Variants in PACS2 observed in about 807,000 individuals in gnomAD.
PACS2 encodes the protein phosphofurin acidic cluster sorting protein 2.
Under a neutral mutation model 113.0 loss-of-function variants are expected in PACS2, and 36 were observed. The ratio of observed to expected loss-of-function variants is 0.32; its 90% CI spans 0.24 to 0.42. PACS2 has a LOEUF of 0.42. Among genes scored for constraint, PACS2 ranks in the 10% least tolerant of loss-of-function variants. PACS2 has a pLI of 1.00. For synonymous variants in PACS2, 589 were observed against 536.1 expected (o/e 1.10, Z -1.36); for missense variants, 1,015 against 1,239.5 (o/e 0.82, Z 2.72).
chr14:105,362,438 A>G (rs188707737), intron 4 of PACS2, among the ~76,000 whole-genome samples: 279 of 150,942 alleles, frequency 1.8e-3, no homozygotes, highest in Non-Finnish European at 2.9e-3. Flanking sequence ...AAAGAAAAGA[A>G]AAAAAAAGAA....
Position 105,309,074 on chromosome 14 carries a change from G to A in PACS2, c.-83+8095G>A, listed in dbSNP as rs1285800997. Among the ~76,000 whole-genome samples, 1 of 152,196 alleles carries A rather than the reference G, an allele frequency of 6.6e-6. No homozygotes were observed. Among genetic ancestry groups the A allele is most frequent in the Non-Finnish European group, 1.5e-5 (1 of 68,032 alleles). The stretch of plus-strand genomic sequence containing the variant: ...TGAGGTTGAGTGTTGGTTGACACGT[G>A]TTGCGGTAATTGCTGTTCTGATGTC... On this transcript the variant is annotated intron_variant, in intron 1 of 23. Coordinates refer to the PACS2 transcript ENST00000430725. The surrounding 1 kb of genome is among the most constrained non-coding windows in gnomAD (Gnocchi z 4.0).
chr14:105,367,982 A>C (rs587724696), intron 5 of PACS2, 92 bp from the exon 6 acceptor site: 1 of 818,518 alleles, frequency 1.2e-6, no homozygotes, highest in Admixed American at 1.9e-5. Flanking sequence ...CGCTGCCCCC[A>C]CTCTGTGTCC....
intron 9 of PACS2, 139 bp downstream of exon 9, chr14:105,377,064 G>A (rs1450095359): frequency 6.6e-6 from 6 of 916,002 alleles, no homozygotes; most frequent in Admixed American, 2.9e-5. Context: ...GGAAGGCTCT[G>A]GTGGCTGGAA....
rs151199705 is a variant in PACS2, at chr14:105,392,632, G to A, written c.2269G>A (p.Ala757Thr). Residue 757 changes from alanine to threonine, a missense_variant, in exon 23 of 25, where the codon GCC (alanine) becomes ACC (threonine). Ala to Thr is a moderately conservative substitution (Grantham distance 58). Around this residue, in one of 3 missense-constraint regions of PACS2, gnomAD observed 859 missense variants for 1,056.8 expected, o/e 0.81. Coordinates refer to ENST00000447393, the MANE Select transcript of PACS2 (RefSeq NM_001100913.3). ...TGCCTTTCCCAGCCAGGGTGTCGGC[G>A]CCGAGCTGATGGGGCTGCAGGTGGA... ...GLSSPSQGVG[A>T]ELMGLQVDYW... 305 of 1,608,112 alleles carry A rather than the reference G, an allele frequency of 1.9e-4. No individual in the cohort carries two copies. The African/African-American group carries it at 3.1e-3, about 16-fold the overall frequency.
intron 1 of PACS2, among the ~76,000 whole-genome samples, chr14:105,303,709 C>G (rs2058098530): frequency 6.6e-6 from 1 of 152,208 alleles, no homozygotes; most frequent in East Asian, 1.9e-4. Context: ...AAGATTGTCT[C>G]CACTCTTAAT....
intron 4 of PACS2, among the ~76,000 whole-genome samples, chr14:105,362,163 C>A (rs138455576): frequency 0.024 from 3,572 of 150,496 alleles, 58 homozygotes; most frequent in Middle Eastern, 0.049. Flanking sequence ...TCACGCCTGT[C>A]ATCCCAGCAC....
In PACS2 at chr14:105,373,592, C is replaced by T. The variant is rs76843727; in HGVS notation, c.802-3176C>T. ...CTGGGAGGCTGAGGCAGGCAGATTGCATAAGTCCACATAGTGAAATCGCAT... is the reference window on the plus strand; with the variant it reads ...CTGGGAGGCTGAGGCAGGCAGATTGTATAAGTCCACATAGTGAAATCGCAT... On this transcript the variant is annotated intron_variant, in intron 8 of 24. Transcript: ENST00000447393. 2.5e-4 allele frequency among the ~76,000 whole-genome samples: 38 copies of T among 152,226 alleles called. 1 individual carries two copies. The East Asian group carries it at 6.9e-3, about 28-fold the overall frequency.
chr14:105,368,039 C>CA, intron 5 of PACS2, 35 bp from the exon 6 acceptor site: 1 of 1,456,918 alleles, frequency 6.9e-7, no homozygotes, highest in Non-Finnish European at 9.6e-7. Context: ...GGTGGAATCT[C>CA]ACGGCACCCT....
chr14:105,325,041 AC>A (rs1196834746), intron 1 of PACS2, among the ~76,000 whole-genome samples: 1 of 150,960 alleles, frequency 6.6e-6, no homozygotes, highest in East Asian at 2.0e-4. Flanking sequence ...TTTCCTCAGC[AC>A]CCCCTGGCCA....
At chr14:105,338,925 TCTC>T (rs1333157259) in intron 1 of PACS2, among the ~76,000 whole-genome samples, 1 of 152,088 alleles carries the variant, frequency 6.6e-6, no homozygotes, top group African/African-American at 2.4e-5. Flanking sequence ...ACCCAGCTGC[TCTC>T]CTCTCTGAGC....
rs976753918 is a variant in PACS2, at chr14:105,339,413, G to A, written c.120-9080G>A. ...TCTTAGCTACTTGGGAGGCTGAGGC[G>A]AAAGAATGGCTTGAACCCGGGGGCA... On this transcript the variant is annotated intron_variant, in intron 1 of 24. Transcript: ENST00000447393. Among the ~76,000 whole-genome samples, 10 of 151,486 alleles carry A rather than the reference G, an allele frequency of 6.6e-5. No homozygotes were observed. The South Asian group carries it at 1.2e-3, about 19-fold the overall frequency.
chr14:105,369,219 A>G (rs1430217383), intron 7 of PACS2, among the ~76,000 whole-genome samples: 1 of 152,226 alleles, frequency 6.6e-6, no homozygotes, highest in Non-Finnish European at 1.5e-5. Context: ...AGCTGCTCCC[A>G]AAGTGGTGAA....
At position 105,389,758 on chromosome 14, in the gene PACS2, G is replaced by A. The variant is rs587680483; in HGVS notation, c.2034-203G>A. ...TCAGCATGTCAGAAGGGGCCCAGGC[G>A]TTGGTCCTGGGGGCCAGGCCAGGGC... is the stretch of plus-strand genomic sequence containing the variant. On this transcript the variant is annotated intron_variant, in intron 19 of 24. Coordinates refer to ENST00000447393, the MANE Select transcript of PACS2 (RefSeq NM_001100913.3). 1.9e-4 allele frequency: 114 copies of A among 614,622 alleles called. No homozygotes were observed. In the African/African-American group the frequency reaches 1.9e-3, roughly 10 times the overall value. The allele number at this position is 614,622 out of a possible 1,614,324, so 38.1% of individuals were successfully genotyped here.
At chr14:105,336,369 G>T (rs2059521546) in intron 1 of PACS2, 1 of 152,326 alleles carries the variant, frequency 6.6e-6, no homozygotes, top group East Asian at 1.9e-4. Flanking sequence ...GAGTGGCGCG[G>T]CCGCTTGCCA....
chr14:105,322,422 C>T (rs2058931335), intron 1 of PACS2, among the ~76,000 whole-genome samples: 1 of 151,624 alleles, frequency 6.6e-6, no homozygotes, highest in South Asian at 2.1e-4. Context: ...CGCCACCGCA[C>T]CCGGCTCATT....
chr14:105,353,998 C>T (rs1011029007), intron 3 of PACS2, among the ~76,000 whole-genome samples: 9 of 151,728 alleles, frequency 5.9e-5, no homozygotes, highest in African/African-American at 1.9e-4. Flanking sequence ...GCAGGAGAAT[C>T]GCTTGAACCC....
upstream of PACS2, among the ~76,000 whole-genome samples, chr14:105,310,984 C>T (rs2058337625): frequency 6.6e-6 from 1 of 152,172 alleles, no homozygotes; most frequent in African/African-American, 2.4e-5. Flanking sequence ...CAGAGTTTCA[C>T]TCTTGTCACC....
chr14:105,354,626 CGGAG>C lies in PACS2; in HGVS notation c.298-421_298-418del, dbSNP rs1555404940. Among the ~76,000 whole-genome samples the C allele has an allele frequency of 6.6e-6, 1 of 152,180 alleles. No homozygotes were observed. The highest frequency in any genetic ancestry group is 1.5e-5 in the Non-Finnish European group (1 of 68,018). ...GGCGAGTTGGGTGAACAGGGGGCCT[CGGAG>C]GGAGAGCCCTCCCCGCCCTGTGTGC... On this transcript the variant is annotated intron_variant, in intron 3 of 24. Transcript: ENST00000447393. The surrounding 1 kb of genome is among the most constrained non-coding windows in gnomAD (Gnocchi z 4.2).
Position 105,346,217 on chromosome 14 carries a change from A to C in PACS2, c.120-2276A>C, listed in dbSNP as rs181762251. ...TACATCGAACTTGGAACTCAGAAAA[A>C]TAAAACATCTTCTGACCTGGGTAGG... is the stretch of plus-strand genomic sequence containing the variant. On this transcript the variant is annotated intron_variant, in intron 1 of 24. Transcript: ENST00000447393. 8.2e-3 allele frequency among the ~76,000 whole-genome samples: 1,248 copies of C among 152,272 alleles called. 18 individuals carry two copies. The highest frequency in any genetic ancestry group is 6.6e-3 in the Non-Finnish European group (450 of 68,022).
Sources: gnomAD v4.1 joint callset for allele counts (sites outside exome capture counted in the v4.1 genomes callset) on GRCh38, gnomAD v4.1.1 for gene constraint, gnomAD v4.1.1 regional missense constraint, Gnocchi (gnomAD v3.1) non-coding constraint, MANE v1.5 for transcripts, NCBI Gene and HGNC (gene_info 2026-07-23, HGNC 2026-07-21) for gene names.